The following WWOX variants were observed in gnomAD, a reference collection of about 807,000 sequenced individuals.
WWOX encodes WW domain containing oxidoreductase, also known as WW domain-containing oxidoreductase.
Under a neutral mutation model 46.2 loss-of-function variants are expected in WWOX, and 69 were observed. That is an observed-to-expected ratio of 1.49 (90% CI 1.23 to 1.82). The LOEUF (loss-of-function observed/expected upper bound fraction) is 1.82, where lower values mean the gene tolerates loss of function less well. WWOX is among the 40% of genes most tolerant of loss of function. The pLI, the probability that WWOX is intolerant of heterozygous loss-of-function variation, is 0.00. For synonymous variants in WWOX, 359 were observed against 202.6 expected, an observed-to-expected ratio of 1.77 and a Z score of -6.56; for missense variants, 919 against 542.6, an observed-to-expected ratio of 1.69 and a Z score of -6.89.
At chr16:79,043,925 C>T (rs1323932354) in intron 8 of WWOX, among the ~76,000 whole-genome samples, 3 of 152,240 alleles carry the variant, frequency 2.0e-5, no homozygotes, top group Non-Finnish European at 2.9e-5. Context: ...CTCATTCACT[C>T]TGCTCGGACC....
At chr16:78,852,914 G>C (rs760181302) in intron 8 of WWOX, among the ~76,000 whole-genome samples, 2 of 152,140 alleles carry the variant, frequency 1.3e-5, no homozygotes, top group Non-Finnish European at 2.9e-5. Flanking sequence ...TTGGTGACAG[G>C]CTTCTTTCTT....
chr16:78,840,609 C>T (rs563822269), intron 8 of WWOX, among the ~76,000 whole-genome samples: 130 of 152,082 alleles, frequency 8.5e-4, no homozygotes, highest in Non-Finnish European at 1.1e-3. Flanking sequence ...CTAGTAGTTG[C>T]TCCAAATGTG....
At chr16:78,942,136 A>C (rs568715851) in intron 8 of WWOX, among the ~76,000 whole-genome samples, 1 of 152,116 alleles carries the variant, frequency 6.6e-6, no homozygotes, top group African/African-American at 2.4e-5. Context: ...CTCCTTTTCT[A>C]GTAGCTTGGA....
intron 6 of WWOX, among the ~76,000 whole-genome samples, chr16:78,407,775 G>C (rs1180659390): frequency 6.6e-6 from 1 of 152,176 alleles, no homozygotes; most frequent in Non-Finnish European, 1.5e-5. Context: ...AAGAAAAATA[G>C]CATTGATTCA....
chr16:79,056,862 C>T (rs1258576242), intron 8 of WWOX, among the ~76,000 whole-genome samples: 1 of 152,146 alleles, frequency 6.6e-6, no homozygotes, highest in African/African-American at 2.4e-5. Context: ...TAGTTCAAAG[C>T]TAAAGAGCCT....
intron 5 of WWOX, among the ~76,000 whole-genome samples, chr16:78,318,196 G>C (rs2080393150): frequency 6.6e-6 from 1 of 151,366 alleles, no homozygotes; most frequent in South Asian, 2.1e-4. Context: ...CCCGGGGGCA[G>C]AGGACCATAA....
At chr16:79,182,229 C>A (rs2150788651) in intron 8 of WWOX, among the ~76,000 whole-genome samples, 1 of 152,108 alleles carries the variant, frequency 6.6e-6, no homozygotes, top group Middle Eastern at 3.4e-3. Flanking sequence ...CCATTAGCAT[C>A]TGGGGCTGTA....
chr16:78,612,339 A>G (rs964391597), intron 8 of WWOX, among the ~76,000 whole-genome samples: 6 of 152,236 alleles, frequency 3.9e-5, no homozygotes, highest in Non-Finnish European at 7.3e-5. Flanking sequence ...CTTTGTGTCC[A>G]TACATTTGAT....
intron 8 of WWOX, among the ~76,000 whole-genome samples, chr16:79,066,655 G>A (rs539361314): frequency 5.3e-5 from 8 of 152,324 alleles, no homozygotes; most frequent in African/African-American, 1.9e-4. Context: ...CAAGCATTCA[G>A]GTGCCCACTT....
intron 8 of WWOX, among the ~76,000 whole-genome samples, chr16:79,046,593 C>T (rs369408859): frequency 2.0e-5 from 3 of 152,094 alleles, no homozygotes; most frequent in South Asian, 4.2e-4. Context: ...AGTGTTTCTC[C>T]CAGTTCCTCC....
At chr16:78,596,420 T>C (rs1377826862) in intron 8 of WWOX, among the ~76,000 whole-genome samples, 1 of 150,656 alleles carries the variant, frequency 6.6e-6, no homozygotes, top group South Asian at 2.1e-4. Context: ...CACGGTGGGA[T>C]GACACAGGCT....
At chr16:78,791,179 T>TG (rs1423878444) in intron 8 of WWOX, among the ~76,000 whole-genome samples, 2 of 152,144 alleles carry the variant, frequency 1.3e-5, no homozygotes, top group Non-Finnish European at 2.9e-5. Context: ...GACTACCATC[T>TG]GGATGTGGGC....
chr16:79,011,507 T>G (rs138548493), intron 8 of WWOX, among the ~76,000 whole-genome samples: 14 of 114,592 alleles, frequency 1.2e-4, no homozygotes, highest in Non-Finnish European at 2.3e-4. Flanking sequence ...TTATTTATTT[T>G]TTGAGACAGG....
At chr16:79,056,658 CA>C (rs1469204210) in intron 8 of WWOX, among the ~76,000 whole-genome samples, 1 of 152,180 alleles carries the variant, frequency 6.6e-6, no homozygotes, top group African/African-American at 2.4e-5. Flanking sequence ...GTCACAAACA[CA>C]AATGTCTCCA....
intron 8 of WWOX, among the ~76,000 whole-genome samples, chr16:79,098,423 C>T (rs2049120423): frequency 6.6e-6 from 1 of 152,208 alleles, no homozygotes; most frequent in Non-Finnish European, 1.5e-5. Context: ...ACTAACCCCT[C>T]AGGGGTCACC....
intron 5 of WWOX, among the ~76,000 whole-genome samples, chr16:78,248,434 G>C (rs556612445): frequency 6.6e-6 from 1 of 152,270 alleles, no homozygotes; most frequent in African/African-American, 2.4e-5. Flanking sequence ...TCCAACGTTA[G>C]GGATTACATT....
At chr16:78,393,466 C>G (rs1454098951) in intron 6 of WWOX, among the ~76,000 whole-genome samples, 2 of 151,568 alleles carry the variant, frequency 1.3e-5, no homozygotes, top group African/African-American at 4.8e-5. Flanking sequence ...TGAGACCAGC[C>G]TGGGCAACGT....
intron 8 of WWOX, among the ~76,000 whole-genome samples, chr16:79,019,762 C>T (rs544824382): frequency 6.6e-6 from 1 of 151,974 alleles, no homozygotes; most frequent in African/African-American, 2.4e-5. Context: ...GGGAAGAGAG[C>T]AAAGGTAGAA....
chr16:78,700,326 G>C (rs1447515989), intron 8 of WWOX, among the ~76,000 whole-genome samples: 6 of 95,722 alleles, frequency 6.3e-5, no homozygotes, highest in African/African-American at 4.2e-4. Context: ...GAGAGAGAGA[G>C]AGAGAGAGAG....
Sources: gnomAD v4.1 joint callset for allele counts (sites outside exome capture counted in the v4.1 genomes callset) on GRCh38, gnomAD v4.1.1 for gene constraint, MANE v1.5 for transcripts, NCBI Gene and HGNC (gene_info 2026-07-23, HGNC 2026-07-21) for gene names.